ATXN1: variants seen among roughly 807,000 people sequenced by gnomAD.
The protein encoded by ATXN1 is ataxin 1.
ATXN1 carries 8 observed loss-of-function variants against 56.4 expected under a neutral mutation model. The ratio of observed to expected loss-of-function variants is 0.14; its 90% confidence interval spans 0.08 to 0.26. The LOEUF is 0.26. Ranked by LOEUF, ATXN1 falls within the 10% of genes least tolerant of loss-of-function variation. The pLI is 1.00. For synonymous variants in ATXN1, 514 were observed against 494.6 expected (o/e 1.04, Z -0.52); for missense variants, 987 against 1,106.5 (o/e 0.89, Z 1.53).
intron 6 of ATXN1, among the ~76,000 whole-genome samples, chr6:16,423,592 C>G (rs540068366): frequency 1.3e-5 from 2 of 152,268 alleles, no homozygotes; most frequent in Non-Finnish European, 2.9e-5. Flanking sequence ...TGACGCTCCC[C>G]AGTGAGGTGG....
intron 6 of ATXN1, among the ~76,000 whole-genome samples, chr6:16,376,402 C>A (rs1000586293): frequency 3.9e-5 from 6 of 152,166 alleles, no homozygotes; most frequent in African/African-American, 1.4e-4. Context: ...GCCTGTCTAC[C>A]CACAGAATTT....
intron 7 of ATXN1, among the ~76,000 whole-genome samples, chr6:16,318,179 G>A (rs1760559192): frequency 2.0e-5 from 3 of 152,164 alleles, no homozygotes; most frequent in Non-Finnish European, 2.9e-5. Flanking sequence ...AACGTCTGTT[G>A]TTTAAATATG....
At chr6:16,349,273 G>T (rs1375468094) in intron 6 of ATXN1, among the ~76,000 whole-genome samples, 6 of 152,318 alleles carry the variant, frequency 3.9e-5, no homozygotes, top group South Asian at 2.1e-4. Flanking sequence ...GGGAGGCTGA[G>T]GCTGGTGGAT....
intron 6 of ATXN1, among the ~76,000 whole-genome samples, chr6:16,424,778 G>A (rs1040039953): frequency 6.6e-6 from 1 of 152,214 alleles, no homozygotes; most frequent in Non-Finnish European, 1.5e-5. Context: ...CAAAGGAAAT[G>A]TGGGTGCTCC....
intron 2 of ATXN1, among the ~76,000 whole-genome samples, chr6:16,675,412 C>T (rs1437402379): frequency 6.6e-6 from 1 of 152,188 alleles, no homozygotes; most frequent in Non-Finnish European, 1.5e-5. Flanking sequence ...ACAACATACT[C>T]ATTAGGGAAT....
chr6:16,573,599 G>T (rs181564829), intron 4 of ATXN1, among the ~76,000 whole-genome samples: 3 of 152,094 alleles, frequency 2.0e-5, no homozygotes, highest in African/African-American at 7.2e-5. Context: ...GGAACTCTGT[G>T]TCACCTCCTG....
intron 2 of ATXN1, among the ~76,000 whole-genome samples, chr6:16,702,271 T>C (rs915136710): frequency 6.6e-6 from 1 of 152,234 alleles, no homozygotes; most frequent in Non-Finnish European, 1.5e-5. Context: ...CTGGGAAAAC[T>C]GGCTAGCCAT....
intron 6 of ATXN1, among the ~76,000 whole-genome samples, chr6:16,416,103 A>C (rs913697165): frequency 6.6e-6 from 1 of 151,920 alleles, no homozygotes; most frequent in African/African-American, 2.4e-5. Context: ...AAAAAAAAAA[A>C]AAAAAACCCA....
At chr6:16,505,709 T>C (rs1760971493) in intron 5 of ATXN1, among the ~76,000 whole-genome samples, 1 of 152,092 alleles carries the variant, frequency 6.6e-6, no homozygotes, top group Non-Finnish European at 1.5e-5. Flanking sequence ...GTGTACACGG[T>C]TATGAGGCTC....
At chr6:16,478,970 T>C (rs73724877) in intron 6 of ATXN1, among the ~76,000 whole-genome samples, 1 of 152,190 alleles carries the variant, frequency 6.6e-6, no homozygotes, top group Non-Finnish European at 1.5e-5. Context: ...CACCTCCCAG[T>C]GCCAGGCACT....
At chr6:16,550,155 C>CAAAAAAAAAA (rs70999336) in intron 4 of ATXN1, among the ~76,000 whole-genome samples, 3 of 91,198 alleles carry the variant, frequency 3.3e-5, no homozygotes, top group Admixed American at 1.0e-4. Flanking sequence ...AAATAAAATA[C>CAAAAAAAAAA]AAAAAAAAAA....
At chr6:16,404,996 T>C (rs1434855692) in intron 6 of ATXN1, among the ~76,000 whole-genome samples, 1 of 152,230 alleles carries the variant, frequency 6.6e-6, no homozygotes, top group Non-Finnish European at 1.5e-5. Flanking sequence ...GAAGATGTCC[T>C]GGTGTTTGGG....
intron 3 of ATXN1, among the ~76,000 whole-genome samples, chr6:16,633,320 G>A (rs1053605143): frequency 4.6e-5 from 7 of 151,904 alleles, no homozygotes; most frequent in East Asian, 1.9e-4. Context: ...TAATTAATTC[G>A]GCAAACAAGT....
At chr6:16,736,177 G>A (rs983966758) in intron 2 of ATXN1, among the ~76,000 whole-genome samples, 6 of 152,148 alleles carry the variant, frequency 3.9e-5, no homozygotes, top group Admixed American at 2.6e-4. Context: ...ATGTGAGCAT[G>A]TTCAATCTAC....
intron 4 of ATXN1, among the ~76,000 whole-genome samples, chr6:16,569,009 C>T (rs1762282107): frequency 1.3e-5 from 2 of 152,134 alleles, no homozygotes; most frequent in South Asian, 4.1e-4. Context: ...GGACCCAGCT[C>T]CTAAGAAGTG....
chr6:16,357,087 C>T (rs1761701783), intron 6 of ATXN1, among the ~76,000 whole-genome samples: 1 of 152,092 alleles, frequency 6.6e-6, no homozygotes. Context: ...GGAATTTATG[C>T]AAATTCCACA....
At chr6:16,565,003 G>T (rs902782656) in intron 4 of ATXN1, among the ~76,000 whole-genome samples, 1 of 152,196 alleles carries the variant, frequency 6.6e-6, no homozygotes, top group Non-Finnish European at 1.5e-5. Flanking sequence ...ATCAGAAGAT[G>T]TCCATCCTCT....
intron 2 of ATXN1, among the ~76,000 whole-genome samples, chr6:16,720,027 T>C (rs1561821556): frequency 6.6e-6 from 1 of 152,148 alleles, no homozygotes; most frequent in Non-Finnish European, 1.5e-5. Context: ...GAGTTTCCCA[T>C]CACATTTAGC....
chr6:16,645,761 A>T (rs1188484735), intron 3 of ATXN1, among the ~76,000 whole-genome samples: 1 of 152,268 alleles, frequency 6.6e-6, no homozygotes, highest in Non-Finnish European at 1.5e-5. Flanking sequence ...GGAGTTGCTC[A>T]GTAACTTAAC....
Sources: gnomAD v4.1 joint callset for allele counts (sites outside exome capture counted in the v4.1 genomes callset) on GRCh38, gnomAD v4.1.1 for gene constraint, MANE v1.5 for transcripts, NCBI Gene and HGNC (gene_info 2026-07-23, HGNC 2026-07-21) for gene names.